Variants in CA10 observed in about 807,000 individuals in gnomAD.
CA10 encodes carbonic anhydrase 10 (inactive).
CA10 carries 14 observed loss-of-function variants against 44.2 expected under a neutral mutation model. That is an observed-to-expected ratio of 0.32 (90% CI 0.21 to 0.50). CA10 has a LOEUF of 0.50. CA10 is among the 20% of genes least tolerant of loss of function. The pLI is 0.99. For missense variants in CA10, 350 were observed against 409.7 expected (o/e 0.85, Z 1.26); for synonymous variants, 159 against 141.6 (o/e 1.12, Z -0.87).
intron 2 of CA10, among the ~76,000 whole-genome samples, chr17:51,999,065 C>A (rs1985335145): frequency 6.6e-6 from 1 of 151,954 alleles, no homozygotes; most frequent in African/African-American, 2.4e-5. Context: ...ATGCTTTTTC[C>A]CTCCAAAAGA....
chr17:51,922,074 T>C (rs1024160260), intron 3 of CA10, among the ~76,000 whole-genome samples: 1 of 152,212 alleles, frequency 6.6e-6, no homozygotes, highest in Non-Finnish European at 1.5e-5. Flanking sequence ...GCTAACAGCA[T>C]GTTCTTCTCT....
At chr17:51,691,386 CTGTT>C (rs1249993010) in intron 4 of CA10, among the ~76,000 whole-genome samples, 1 of 152,164 alleles carries the variant, frequency 6.6e-6, no homozygotes, top group Non-Finnish European at 1.5e-5. Context: ...TGAGAACTGT[CTGTT>C]CCAATCCTTT....
chr17:52,066,837 A>C (rs770727725), intron 2 of CA10, among the ~76,000 whole-genome samples: 1 of 152,314 alleles, frequency 6.6e-6, no homozygotes, highest in African/African-American at 2.4e-5. Flanking sequence ...CTTTGAACTT[A>C]AGAGAAATGA....
chr17:52,042,135 A>G (rs1222298719), intron 2 of CA10, among the ~76,000 whole-genome samples: 3 of 152,040 alleles, frequency 2.0e-5, no homozygotes, highest in Non-Finnish European at 4.4e-5. Flanking sequence ...AGGATCATAC[A>G]GTAGTTCAAT....
At chr17:51,708,079 G>T (rs762066413) in intron 4 of CA10, among the ~76,000 whole-genome samples, 8 of 152,220 alleles carry the variant, frequency 5.3e-5, no homozygotes, top group Non-Finnish European at 7.3e-5. Context: ...TGTCCTTGCT[G>T]CTTCAGTGAT....
intron 4 of CA10, among the ~76,000 whole-genome samples, chr17:51,726,592 A>G (rs1916529969): frequency 2.0e-5 from 3 of 152,226 alleles, no homozygotes; most frequent in Admixed American, 6.5e-5. Context: ...TTTTTAAAAT[A>G]TATATAAAAA....
In CA10 at chr17:51,872,305, G is replaced by T. The variant is rs1435174291; in HGVS notation, c.279+58685C>A. Among the ~76,000 whole-genome samples the T allele has an allele frequency of 3.3e-5, 5 of 152,164 alleles. No individual in the cohort carries two copies. The East Asian group carries it at 9.6e-4, about 29-fold the overall frequency. On this transcript the variant is annotated intron_variant, in intron 3 of 8. Coordinates refer to ENST00000451037, the MANE Select transcript of CA10 (RefSeq NM_020178.5). ...TCAGCTTTATTACTCACCTACCTGT[G>T]ATAAGGGCCTCTCCCAGCAAAGTGT...
At chr17:51,958,008 C>T (rs1983731208) in intron 2 of CA10, among the ~76,000 whole-genome samples, 1 of 151,960 alleles carries the variant, frequency 6.6e-6, no homozygotes, top group Admixed American at 6.6e-5. Flanking sequence ...CAAATAGTCT[C>T]GTAAATTGTG....
intron 4 of CA10, among the ~76,000 whole-genome samples, chr17:51,744,832 T>C (rs1904616783): frequency 6.6e-6 from 1 of 152,168 alleles, no homozygotes; most frequent in African/African-American, 2.4e-5. Flanking sequence ...GTAAATGGGA[T>C]CTCAAAAGTC....
intron 3 of CA10, among the ~76,000 whole-genome samples, chr17:51,823,490 T>C (rs1478570899): frequency 6.6e-6 from 1 of 152,218 alleles, no homozygotes; most frequent in Admixed American, 6.5e-5. Context: ...TTTTACTCTC[T>C]TCTGCATATC....
At chr17:51,983,065 A>G (rs1193642097) in intron 2 of CA10, among the ~76,000 whole-genome samples, 1 of 151,534 alleles carries the variant, frequency 6.6e-6, no homozygotes, top group Non-Finnish European at 1.5e-5. Flanking sequence ...CACATCTTTG[A>G]GTCTGCTTTC....
At position 51,687,990 on chromosome 17, in the gene CA10, C is replaced by T. The variant is rs58725233; in HGVS notation, c.466-34254G>A. On this transcript the variant is annotated intron_variant, in intron 4 of 8. Transcript: ENST00000451037. ...AGGATATTAAGTAAATGACAGTGTG[C>T]GACTTCCAGGGCCACATCATAAAAC... Among the ~76,000 whole-genome samples the T allele has an allele frequency of 7.0e-3, 1,065 of 152,270 alleles. 47 individuals carry two copies. The East Asian group carries it at 0.13, about 18-fold the overall frequency.
intron 3 of CA10, among the ~76,000 whole-genome samples, chr17:51,861,771 G>A (rs1373999557): frequency 2.6e-5 from 4 of 152,116 alleles, no homozygotes; most frequent in African/African-American, 4.8e-5. Flanking sequence ...TAAATCCAGT[G>A]TGAACAATGA....
chr17:51,927,998 C>T (rs1252720124), intron 3 of CA10, among the ~76,000 whole-genome samples: 1 of 152,110 alleles, frequency 6.6e-6, no homozygotes, highest in Non-Finnish European at 1.5e-5. Flanking sequence ...CTACATACAA[C>T]CCAGCCTTAA....
intron 3 of CA10, among the ~76,000 whole-genome samples, chr17:51,903,872 T>C (rs1981426129): frequency 6.6e-6 from 1 of 152,120 alleles, no homozygotes; most frequent in African/African-American, 2.4e-5. Flanking sequence ...GCCTTAATTC[T>C]TTCTTGGATA....
At chr17:52,063,997 A>G (rs902561084) in intron 2 of CA10, among the ~76,000 whole-genome samples, 6 of 152,222 alleles carry the variant, frequency 3.9e-5, no homozygotes, top group Non-Finnish European at 7.3e-5. Flanking sequence ...TAATCCGTTG[A>G]CTTTCAGTTA....
chr17:51,770,202 A>G (rs1905548549), intron 3 of CA10, among the ~76,000 whole-genome samples: 1 of 151,686 alleles, frequency 6.6e-6, no homozygotes, highest in Admixed American at 6.6e-5. Flanking sequence ...TGCACATTGT[A>G]AAATGCATTC....
At chr17:51,911,170 C>T (rs1981775868) in intron 3 of CA10, among the ~76,000 whole-genome samples, 1 of 152,140 alleles carries the variant, frequency 6.6e-6, no homozygotes, top group Admixed American at 6.6e-5. Flanking sequence ...GCTGCTGCCT[C>T]TTCACCCTGG....
At chr17:51,938,892 C>A (rs1040290940) in intron 2 of CA10, among the ~76,000 whole-genome samples, 2 of 151,928 alleles carry the variant, frequency 1.3e-5, no homozygotes, top group East Asian at 3.9e-4. Flanking sequence ...GGTCACCTGG[C>A]CAGTAGGTTA....
Sources: allele counts gnomAD v4.1 joint callset (sites outside exome capture counted in the v4.1 genomes callset), GRCh38; gene constraint gnomAD v4.1.1; transcripts MANE v1.5; gene names NCBI Gene and HGNC (gene_info 2026-07-23, HGNC 2026-07-21).